The following BTBD9 variants were observed in gnomAD, a reference collection of about 807,000 sequenced individuals.
BTBD9 encodes BTB domain containing 9.
A neutral mutation model predicts 64.3 loss-of-function variants in BTBD9; 49 were observed. The ratio of observed to expected loss-of-function variants is 0.76; its 90% CI spans 0.61 to 0.97. BTBD9 has a LOEUF of 0.97. BTBD9 is among the 50% of genes least tolerant of loss of function. The pLI, the probability that BTBD9 is intolerant of heterozygous loss-of-function variation, is 0.00. For missense variants in BTBD9, 598 were observed against 762.1 expected, an observed-to-expected ratio of 0.78 and a Z score of 2.53; for synonymous variants, 260 against 274.7, an observed-to-expected ratio of 0.95 and a Z score of 0.53.
chr6:38,339,052 T>C (rs1216206013), intron 7 of BTBD9, among the ~76,000 whole-genome samples: 1 of 152,212 alleles, frequency 6.6e-6, no homozygotes, highest in Non-Finnish European at 1.5e-5. Context: ...AAAGTGAATT[T>C]GGCAATATCC....
At chr6:38,343,734 A>G (rs1482243990) in intron 7 of BTBD9, among the ~76,000 whole-genome samples, 1 of 152,230 alleles carries the variant, frequency 6.6e-6, no homozygotes, top group Admixed American at 6.5e-5. Context: ...TGTTCATAAC[A>G]AAATTAAAAC....
chr6:38,382,181 T>C (rs1765962844), intron 6 of BTBD9, among the ~76,000 whole-genome samples: 1 of 152,134 alleles, frequency 6.6e-6, no homozygotes, highest in Non-Finnish European at 1.5e-5. Flanking sequence ...ACCTACTATC[T>C]CCCACAACAC....
At chr6:38,308,741 G>T (rs756959655) in intron 7 of BTBD9, among the ~76,000 whole-genome samples, 4 of 152,018 alleles carry the variant, frequency 2.6e-5, no homozygotes, top group African/African-American at 9.7e-5. Context: ...GAGTAGCTGG[G>T]ACTACAGGTA....
At chr6:38,302,224 T>C (rs1036560897) in intron 7 of BTBD9, among the ~76,000 whole-genome samples, 5 of 151,970 alleles carry the variant, frequency 3.3e-5, no homozygotes, top group East Asian at 1.9e-4. Context: ...CCAGAACTTA[T>C]TCCTCCTCTC....
intron 6 of BTBD9, among the ~76,000 whole-genome samples, chr6:38,391,874 C>T (rs149949426): frequency 5.3e-5 from 8 of 152,126 alleles, no homozygotes; most frequent in Non-Finnish European, 1.0e-4. Flanking sequence ...GCTGATCGAT[C>T]GGCAACTTGC....
intron 6 of BTBD9, among the ~76,000 whole-genome samples, chr6:38,373,764 G>A (rs1160891420): frequency 6.6e-6 from 1 of 152,086 alleles, no homozygotes; most frequent in African/African-American, 2.4e-5. Context: ...CTTGCCTCAA[G>A]CGAACCTCCT....
chr6:38,434,259 A>G (rs1768599089), intron 6 of BTBD9, among the ~76,000 whole-genome samples: 2 of 151,922 alleles, frequency 1.3e-5, no homozygotes, highest in African/African-American at 4.9e-5. Flanking sequence ...AGAGTCTAGC[A>G]CCTTTTAAAG....
chr6:38,355,758 A>T (rs1207613108), intron 6 of BTBD9, among the ~76,000 whole-genome samples: 1 of 152,112 alleles, frequency 6.6e-6, no homozygotes, highest in Non-Finnish European at 1.5e-5. Flanking sequence ...CCATCACTGT[A>T]GGGATTCTTT....
chr6:38,428,249 T>C (rs1006913609), intron 6 of BTBD9, among the ~76,000 whole-genome samples: 1 of 151,914 alleles, frequency 6.6e-6, no homozygotes, highest in Non-Finnish European at 1.5e-5. Context: ...CTCATGCTTC[T>C]TCAGGAGTTG....
intron 4 of BTBD9, among the ~76,000 whole-genome samples, chr6:38,588,826 G>C (rs553431773): frequency 6.6e-6 from 1 of 152,108 alleles, no homozygotes; most frequent in Non-Finnish European, 1.5e-5. Context: ...GCTAGTGTAA[G>C]GTTTAGTCAT....
intron 6 of BTBD9, among the ~76,000 whole-genome samples, chr6:38,375,950 G>A (rs9366958): frequency 0.13 from 9,497 of 72,402 alleles, 434 homozygotes; most frequent in East Asian, 0.48. Context: ...AAGGAAAGAA[G>A]GAAAGAAAGA....
intron 7 of BTBD9, among the ~76,000 whole-genome samples, chr6:38,306,432 C>T (rs1359380786): frequency 2.0e-5 from 3 of 152,208 alleles, no homozygotes; most frequent in Non-Finnish European, 4.4e-5. Context: ...TTACTTTTCC[C>T]CCTCTGTGCA....
intron 7 of BTBD9, among the ~76,000 whole-genome samples, chr6:38,326,118 A>T (rs1763417801): frequency 1.3e-5 from 2 of 152,170 alleles, no homozygotes; most frequent in African/African-American, 4.8e-5. Context: ...TCTGAAACTT[A>T]AAGGTATAAC....
chr6:38,413,778 T>A (rs1211236153), intron 6 of BTBD9, among the ~76,000 whole-genome samples: 1 of 152,176 alleles, frequency 6.6e-6, no homozygotes, highest in Admixed American at 6.5e-5. Context: ...TTAAACAATA[T>A]TCTAATTAGA....
chr6:38,297,350 A>T (rs575743861), intron 7 of BTBD9, among the ~76,000 whole-genome samples: 1 of 152,232 alleles, frequency 6.6e-6, no homozygotes, highest in Admixed American at 6.5e-5. Flanking sequence ...TGGGCAACAG[A>T]GTGAGACTGA....
At chr6:38,533,616 T>C (rs1773891547) in intron 6 of BTBD9, among the ~76,000 whole-genome samples, 2 of 152,220 alleles carry the variant, frequency 1.3e-5, no homozygotes, top group South Asian at 2.1e-4. Flanking sequence ...ATATGGAACC[T>C]TATCAAGGAT....
At chr6:38,591,867 TA>T (rs1776806528) in intron 4 of BTBD9, among the ~76,000 whole-genome samples, 1 of 152,208 alleles carries the variant, frequency 6.6e-6, no homozygotes, top group South Asian at 2.1e-4. Context: ...ACATAAGTGT[TA>T]GCTATTATTA....
chr6:38,632,406 G>A (rs1292573364), intron 1 of BTBD9, among the ~76,000 whole-genome samples: 1 of 152,162 alleles, frequency 6.6e-6, no homozygotes, highest in Non-Finnish European at 1.5e-5. Context: ...ACCATAAATA[G>A]AATGTATTAA....
At chr6:38,328,166 T>C (rs540274421) in intron 7 of BTBD9, among the ~76,000 whole-genome samples, 19 of 152,348 alleles carry the variant, frequency 1.2e-4, no homozygotes, top group African/African-American at 4.1e-4. Context: ...CAATAATCTC[T>C]GGTAATCCCA....
Sources: allele counts gnomAD v4.1 joint callset (sites outside exome capture counted in the v4.1 genomes callset), GRCh38; gene constraint gnomAD v4.1.1; transcripts MANE v1.5; gene names NCBI Gene and HGNC (gene_info 2026-07-23, HGNC 2026-07-21).